Variants in VWF observed in about 807,000 individuals in gnomAD.
The protein encoded by VWF is von Willebrand factor.
In VWF, 176 loss-of-function variants were observed where a neutral mutation model predicts 308.6. The ratio of observed to expected loss-of-function variants is 0.57; its 90% CI spans 0.50 to 0.65. The LOEUF is 0.65. Ranked by LOEUF, VWF falls within the 30% of genes least tolerant of loss-of-function variation. VWF has a pLI of 0.00. For missense variants in VWF, 3,146 were observed against 3,648.2 expected (o/e 0.86, Z 3.55); for synonymous variants, 1,385 against 1,443.4 (o/e 0.96, Z 0.92).
At chr12:6,108,217 C>A (rs7306992) in intron 5 of VWF, among the ~76,000 whole-genome samples, 2 of 150,770 alleles carry the variant, frequency 1.3e-5, no homozygotes, top group African/African-American at 4.9e-5. Context: ...TCGCTTGAAT[C>A]TGGGAGGTGG....
intron 2 of VWF, among the ~76,000 whole-genome samples, chr12:6,121,963 A>AGAAAG (rs1945437492): frequency 6.6e-6 from 1 of 152,090 alleles, no homozygotes; most frequent in Non-Finnish European, 1.5e-5. Flanking sequence ...AGAAAAGAAA[A>AGAAAG]GACAAAGAAG....
chr12:5,994,268 C>A, intron 36 of VWF, 65 bp from the exon 37 acceptor site: 1 of 1,600,442 alleles, frequency 6.2e-7, no homozygotes, highest in Non-Finnish European at 8.6e-7. Context: ...ACATTGATGC[C>A]AGAGACAGGC....
Position 6,029,340 on chromosome 12 carries a change from A to G in VWF, c.2967+2T>C, listed in dbSNP as rs773737583. 2.5e-5 allele frequency: 40 copies of G among 1,614,074 alleles called. No individual in the cohort carries two copies. The East Asian group carries it at 8.5e-4, about 34-fold the overall frequency. The stretch of plus-strand genomic sequence containing the variant: ...ACAAGATGAAGCAAGAAAGCCACTG[A>G]CCTGGTATGTCTGCTTCAGGACCAC... On this transcript the variant is annotated splice_donor_variant, in intron 22 of 51. Transcript: ENST00000261405. LOFTEE classifies it high-confidence loss of function.
intron 6 of VWF, among the ~76,000 whole-genome samples, chr12:6,078,338 C>T (rs1471439270): frequency 6.6e-6 from 1 of 152,208 alleles, no homozygotes; most frequent in African/African-American, 2.4e-5. Context: ...GAGGGAACCT[C>T]TCTTCTTTGC....
At chr12:6,121,039 G>A (rs2136535149) in intron 3 of VWF, 135 bp downstream of exon 3, 1 of 1,243,542 alleles carries the variant, frequency 8.0e-7, no homozygotes, top group South Asian at 1.3e-5. Context: ...TCACAGAAAG[G>A]CTGTTCCTCT....
At chr12:6,080,111 C>T (rs1013351781) in intron 6 of VWF, among the ~76,000 whole-genome samples, 2 of 152,192 alleles carry the variant, frequency 1.3e-5, no homozygotes, top group African/African-American at 2.4e-5. Flanking sequence ...TCCTTCTCCC[C>T]ACTCTGCCGA....
At chr12:6,077,590 G>C (rs891726137) in intron 6 of VWF, among the ~76,000 whole-genome samples, 2 of 152,230 alleles carry the variant, frequency 1.3e-5, no homozygotes, top group Non-Finnish European at 2.9e-5. Flanking sequence ...GGTCAGAGAA[G>C]AGTGTCCCAG....
chr12:6,077,302 G>A (rs1463738760), intron 6 of VWF, among the ~76,000 whole-genome samples: 3 of 152,150 alleles, frequency 2.0e-5, no homozygotes, highest in Non-Finnish European at 2.9e-5. Context: ...GTGACAGAGC[G>A]AGACCCTGTC....
chr12:6,032,772 GCATA>G (rs779287546), intron 20 of VWF, among the ~76,000 whole-genome samples: 2 of 150,692 alleles, frequency 1.3e-5, no homozygotes, highest in Non-Finnish European at 3.0e-5. Context: ...ACAGGCACAT[GCATA>G]CACTCAAACA....
At chr12:6,079,674 G>C (rs998627165) in intron 6 of VWF, among the ~76,000 whole-genome samples, 33 of 151,834 alleles carry the variant, frequency 2.2e-4, no homozygotes, top group Admixed American at 1.9e-3. Context: ...TCGTGGCAGA[G>C]ACACTGGGAT....
At chr12:6,094,009 C>T (rs1265938734) in intron 6 of VWF, among the ~76,000 whole-genome samples, 6 of 152,158 alleles carry the variant, frequency 3.9e-5, no homozygotes, top group Non-Finnish European at 7.3e-5. Flanking sequence ...CAGGCATTAG[C>T]ACACACAGGA....
At chr12:5,953,909 C>T in intron 47 of VWF, 1 of 284,314 alleles carries the variant, frequency 3.5e-6, no homozygotes, top group South Asian at 5.3e-5. Context: ...AGACTTGCAT[C>T]CAAAAGGAAA....
At chr12:6,083,852 C>T (rs1254382906) in intron 6 of VWF, among the ~76,000 whole-genome samples, 2 of 152,202 alleles carry the variant, frequency 1.3e-5, no homozygotes, top group East Asian at 3.9e-4. Flanking sequence ...CAAGTGTCCT[C>T]AAAATAAGGG....
intron 8 of VWF, among the ~76,000 whole-genome samples, chr12:6,072,863 T>A (rs1276115434): frequency 4.7e-5 from 5 of 107,238 alleles, no homozygotes; most frequent in African/African-American, 1.8e-4. Context: ...GGACTCACTC[T>A]CAATAACTTT....
chr12:6,122,775 C>A lies in VWF; in HGVS notation c.55+367G>T, dbSNP rs1277667923. On this transcript the variant is annotated intron_variant, in intron 2 of 51. Coordinates refer to ENST00000261405, the MANE Select transcript of VWF (RefSeq NM_000552.5). Reference sequence around the variant, plus strand: ...TGGAGCAGTCATTTCTCCTCTCTGACCCTCAGTCTCTTCATTGTACCATGG... The same window carrying A: ...TGGAGCAGTCATTTCTCCTCTCTGAACCTCAGTCTCTTCATTGTACCATGG... The A allele has an allele frequency of 1.3e-5, 7 of 555,742 alleles. No homozygotes were observed. In the Admixed American group the frequency reaches 1.3e-4, roughly 11 times the overall value. The allele number at this position is 555,742 out of a possible 1,614,324, so 34.4% of individuals were successfully genotyped here.
intron 31 of VWF, among the ~76,000 whole-genome samples, chr12:6,015,025 C>T (rs942542013): frequency 6.6e-6 from 1 of 152,202 alleles, no homozygotes; most frequent in African/African-American, 2.4e-5. Context: ...TAGGAATTTG[C>T]AATGTGCTTC....
At chr12:5,957,257 T>C (rs984866322) in intron 47 of VWF, among the ~76,000 whole-genome samples, 1 of 152,200 alleles carries the variant, frequency 6.6e-6, no homozygotes, top group African/African-American at 2.4e-5. Flanking sequence ...AAAAATCACC[T>C]AACGATGCAT....
In VWF at chr12:5,951,881, AC is replaced by A; in HGVS notation, c.8117del (p.Gly2706ValfsTer4). On this transcript the variant is annotated frameshift_variant and splice_region_variant, in exon 50 of 52. Coordinates refer to ENST00000261405, the MANE Select transcript of VWF (RefSeq NM_000552.5). LOFTEE classifies it high-confidence loss of function. ...AGGTGCCTGGAATTTTCATAATTTT[AC>A]CCTAAGAAAACAGCAAAATTTCAGG... ...FDEHKCLAEG[G>X]KIMKIPGTCC... 1 of 1,614,174 alleles carries A rather than the reference AC, an allele frequency of 6.2e-7. No homozygotes were observed. The highest frequency in any genetic ancestry group is 8.5e-7 in the Non-Finnish European group (1 of 1,180,036).
rs1555189802 is a variant in VWF at position 5,964,258 on chromosome 12, A to ACATACATG, written c.7887+3227_7887+3228insCATGTATG. 1.9e-3 allele frequency among the ~76,000 whole-genome samples: 275 copies of ACATACATG among 146,156 alleles called. 1 individual carries two copies. Among genetic ancestry groups the ACATACATG allele is most frequent in the African/African-American group, 7.0e-3 (250 of 35,932 alleles). On this transcript the variant is annotated intron_variant, in intron 47 of 51. Coordinates refer to ENST00000261405, the MANE Select transcript of VWF (RefSeq NM_000552.5). ...TACATACATACATACATGCATACATACATACATACATACATGCATACATAC... is the reference window on the plus strand; with the variant it reads ...TACATACATACATACATGCATACATACATACATGCATACATACATACATGCATACATAC...
Sources: allele counts gnomAD v4.1 joint callset (sites outside exome capture counted in the v4.1 genomes callset), GRCh38; gene constraint gnomAD v4.1.1; transcripts MANE v1.5; gene names NCBI Gene and HGNC (gene_info 2026-07-23, HGNC 2026-07-21).